The following TTC6 variants were observed in gnomAD, a reference collection of about 807,000 sequenced individuals.
TTC6 encodes the protein tetratricopeptide repeat domain 6.
Under a neutral mutation model 210.4 loss-of-function variants are expected in TTC6, and 172 were observed. The ratio of observed to expected loss-of-function variants is 0.82; its 90% CI spans 0.72 to 0.93. The LOEUF (loss-of-function observed/expected upper bound fraction) is 0.93, where lower values mean the gene tolerates loss of function less well. Among genes scored for constraint, TTC6 ranks in the 40% least tolerant of loss-of-function variants. The pLI, the probability that TTC6 is intolerant of heterozygous loss-of-function variation, is 0.00. For synonymous variants in TTC6, 804 were observed against 819.6 expected (o/e 0.98, Z 0.32); for missense variants, 2,414 against 2,318.1 (o/e 1.04, Z -0.85).
At chr14:37,613,100 A>C (rs1033372644) in intron 2 of TTC6, among the ~76,000 whole-genome samples, 10 of 152,022 alleles carry the variant, frequency 6.6e-5, no homozygotes, top group Admixed American at 2.0e-4. Context: ...GTTAGCTGTA[A>C]ATTTTTTGAG....
intron 14 of TTC6, among the ~76,000 whole-genome samples, chr14:37,769,206 G>A (rs1048250279): frequency 1.4e-4 from 22 of 151,934 alleles, no homozygotes; most frequent in African/African-American, 5.1e-4. Context: ...CGTTTTGCCA[G>A]TATTTTATTG....
intron 10 of TTC6, among the ~76,000 whole-genome samples, chr14:37,743,618 T>G (rs1235081803): frequency 6.6e-6 from 1 of 152,206 alleles, no homozygotes; most frequent in Non-Finnish European, 1.5e-5. Context: ...TAAAGAAACC[T>G]TGAAATTATA....
intron 3 of TTC6, among the ~76,000 whole-genome samples, chr14:37,684,923 C>T (rs989601066): frequency 6.6e-6 from 1 of 152,122 alleles, no homozygotes; most frequent in Non-Finnish European, 1.5e-5. Flanking sequence ...CAATGCAGGA[C>T]TTTAATTGCT....
intron 1 of TTC6, among the ~76,000 whole-genome samples, chr14:37,603,826 G>T (rs2095620234): frequency 6.6e-6 from 1 of 152,222 alleles, no homozygotes; most frequent in Admixed American, 6.5e-5. Flanking sequence ...AGTGCAGTCG[G>T]ACATGTTCAA....
intron 14 of TTC6, among the ~76,000 whole-genome samples, chr14:37,766,300 A>G (rs982348661): frequency 1.1e-4 from 17 of 152,170 alleles, no homozygotes; most frequent in African/African-American, 4.1e-4. Context: ...TTTACAAATT[A>G]TTTCATCACC....
intron 2 of TTC6, among the ~76,000 whole-genome samples, chr14:37,681,690 T>TTA (rs1566884163): frequency 6.6e-6 from 1 of 152,090 alleles, no homozygotes; most frequent in Non-Finnish European, 1.5e-5. Context: ...CTTGGACTTA[T>TTA]ACTAGTGGTT....
intron 15 of TTC6, among the ~76,000 whole-genome samples, chr14:37,788,196 C>T (rs558381839): frequency 3.5e-4 from 54 of 152,224 alleles, no homozygotes; most frequent in African/African-American, 1.2e-3. Context: ...GTGTTACTCT[C>T]AATCAGCACA....
chr14:37,638,622 G>C (rs2095685561), intron 1 of TTC6, among the ~76,000 whole-genome samples: 1 of 151,358 alleles, frequency 6.6e-6, no homozygotes, highest in Non-Finnish European at 1.5e-5. Context: ...TGGGAGTTAA[G>C]GGTGGGGGCG....
intron 14 of TTC6, among the ~76,000 whole-genome samples, chr14:37,779,430 G>A (rs1430695910): frequency 6.6e-6 from 1 of 152,042 alleles, no homozygotes; most frequent in East Asian, 1.9e-4. Flanking sequence ...ATACTTTTAG[G>A]TGGATCATTT....
chr14:37,714,141 A>G (rs768959071), intron 5 of TTC6, among the ~76,000 whole-genome samples: 1 of 152,180 alleles, frequency 6.6e-6, no homozygotes, highest in Non-Finnish European at 1.5e-5. Context: ...TTTTATTGAT[A>G]AGTTTTGTTC....
In TTC6 at chr14:37,842,135, T is replaced by C; in HGVS notation, c.5525-20T>C. On this transcript the variant is annotated intron_variant, in intron 30 of 30. Coordinates refer to ENST00000553443, the Ensembl canonical transcript of TTC6. ...TTTGAGTGCCAACTTAAATATATCT[T>C]GATTTTTTTTCTTTTGCAGCCCTGT... 1 of 1,496,320 alleles carries C rather than the reference T, an allele frequency of 6.7e-7. No individual in the cohort carries two copies. The highest frequency in any genetic ancestry group is 8.9e-7 in the Non-Finnish European group (1 of 1,125,692). The allele number at this position is 1,496,320 out of a possible 1,614,324, so 92.7% of individuals were successfully genotyped here.
At chr14:37,818,457 CT>C (rs367685907) in intron 26 of TTC6, among the ~76,000 whole-genome samples, 171 of 152,054 alleles carry the variant, frequency 1.1e-3, no homozygotes, top group African/African-American at 4.1e-3. Context: ...TAGTTTATAG[CT>C]TTTTTTCCCC....
chr14:37,824,577 C>T (rs1338254010), intron 27 of TTC6, among the ~76,000 whole-genome samples: 1 of 152,140 alleles, frequency 6.6e-6, no homozygotes, highest in Non-Finnish European at 1.5e-5. Context: ...GATTATACTT[C>T]CTTCTTCTTG....
intron 2 of TTC6, among the ~76,000 whole-genome samples, chr14:37,680,809 A>G (rs916237455): frequency 1.3e-5 from 2 of 152,178 alleles, no homozygotes; most frequent in African/African-American, 4.8e-5. Flanking sequence ...TAGAAAAGTG[A>G]TAGCCTGATG....
chr14:37,725,081 T>C, intron 7 of TTC6, 79 bp downstream of exon 9: 2 of 763,422 alleles, frequency 2.6e-6, no homozygotes, highest in Non-Finnish European at 1.9e-6. Context: ...GCTATGACAT[T>C]CAATTTTACT....
Position 37,645,318 on chromosome 14 carries a change from A to G in TTC6, c.939+22315A>G, listed in dbSNP as rs988066703. ...TCCTACCTGCTCAATCCAGACTCCC[A>G]ACAACACACTTATTGGTCTCTAAAA... is the stretch of plus-strand genomic sequence containing the variant. On this transcript the variant is annotated intron_variant, in intron 1 of 30. Coordinates refer to ENST00000553443, the Ensembl canonical transcript of TTC6. Among the ~76,000 whole-genome samples, 3 of 152,218 alleles carry G rather than the reference A, an allele frequency of 2.0e-5. 1 individual carries two copies. The highest frequency in any genetic ancestry group is 4.4e-5 in the Non-Finnish European group (3 of 68,034).
At chr14:37,823,289 G>T (rs755712781) in intron 26 of TTC6, among the ~76,000 whole-genome samples, 1 of 152,118 alleles carries the variant, frequency 6.6e-6, no homozygotes, top group African/African-American at 2.4e-5. Flanking sequence ...GAGATCTGAT[G>T]TAAGGACTCC....
At chr14:37,773,532 G>C (rs573448939) in intron 14 of TTC6, among the ~76,000 whole-genome samples, 2 of 152,236 alleles carry the variant, frequency 1.3e-5, no homozygotes, top group East Asian at 3.9e-4. Flanking sequence ...CCCATTGCTT[G>C]TTTTTGTCAA....
At chr14:37,831,078 C>T (rs902050537) in intron 29 of TTC6, among the ~76,000 whole-genome samples, 2 of 151,626 alleles carry the variant, frequency 1.3e-5, no homozygotes, top group Admixed American at 6.6e-5. Flanking sequence ...TTCATCCCCT[C>T]GCCCACCCCT....
Sources: allele counts gnomAD v4.1 joint callset (sites outside exome capture counted in the v4.1 genomes callset), GRCh38; gene constraint gnomAD v4.1.1; transcripts MANE v1.5; gene names NCBI Gene and HGNC (gene_info 2026-07-23, HGNC 2026-07-21).